The following CTNNA3 variants were observed in gnomAD, a reference collection of about 807,000 sequenced individuals.
CTNNA3 encodes catenin alpha-3.
In CTNNA3, 76 loss-of-function variants were observed where a neutral mutation model predicts 95.7. The observed-to-expected ratio is 0.79, with a 90% confidence interval of 0.66 to 0.96. CTNNA3 has a LOEUF of 0.96. Among genes scored for constraint, CTNNA3 ranks in the 40% least tolerant of loss-of-function variants. The pLI is 0.00. For missense variants in CTNNA3, 1,191 were observed against 1,089.8 expected (o/e 1.09, Z -1.31); for synonymous variants, 431 against 374.4 (o/e 1.15, Z -1.74).
chr10:66,037,848 T>C (rs926834817), intron 15 of CTNNA3, among the ~76,000 whole-genome samples: 2 of 152,176 alleles, frequency 1.3e-5, no homozygotes, highest in African/African-American at 4.8e-5. Context: ...TAGGAAAACA[T>C]AGAGTTTTTT....
At chr10:66,655,027 A>G (rs1334304621) in intron 9 of CTNNA3, among the ~76,000 whole-genome samples, 4 of 152,032 alleles carry the variant, frequency 2.6e-5, no homozygotes, top group Non-Finnish European at 4.4e-5. Flanking sequence ...CTATTGTACA[A>G]CCCGGTGAGT....
intron 4 of CTNNA3, among the ~76,000 whole-genome samples, chr10:67,526,097 T>A (rs992710395): frequency 3.3e-5 from 5 of 152,188 alleles, no homozygotes; most frequent in African/African-American, 1.2e-4. Context: ...TGATGCTCTA[T>A]AAATATTAAT....
chr10:66,031,166 A>C (rs1053666376), intron 15 of CTNNA3, among the ~76,000 whole-genome samples: 1 of 152,166 alleles, frequency 6.6e-6, no homozygotes, highest in East Asian at 1.9e-4. Flanking sequence ...CAGAGAACTA[A>C]AAATAGAACT....
In CTNNA3 at chr10:66,420,839, A is replaced by AAATAAATAAATAAAT. The variant is rs147665115; in HGVS notation, c.1532-41488_1532-41487insATTTATTTATTTATT. Among the ~76,000 whole-genome samples the AAATAAATAAATAAAT allele has an allele frequency of 6.2e-4, 48 of 76,932 alleles. No individual in the cohort carries two copies. The South Asian group carries it at 1.0e-2, about 16-fold the overall frequency. The allele number at this position is 76,932 out of a possible 152,430, so 50.5% of individuals were successfully genotyped here. A position where few individuals can be genotyped will look rare whatever the true frequency, so the allele number is the denominator to read the frequency against. ...TAAATAAATAAATAAATAAATAAAT[A>AAATAAATAAATAAAT]AAAAACAATATGGAGATTTCTCAAA... is the stretch of plus-strand genomic sequence containing the variant. On this transcript the variant is annotated intron_variant, in intron 11 of 17. Transcript: ENST00000433211.
chr10:67,633,725 A>G (rs1839218995), intron 2 of CTNNA3, among the ~76,000 whole-genome samples: 1 of 152,160 alleles, frequency 6.6e-6, no homozygotes, highest in Admixed American at 6.5e-5. Context: ...AACCCCATTA[A>G]AAGTGAGCTT....
chr10:66,026,285 C>G (rs1424598124), intron 15 of CTNNA3, among the ~76,000 whole-genome samples: 1 of 152,068 alleles, frequency 6.6e-6, no homozygotes, highest in Non-Finnish European at 1.5e-5. Flanking sequence ...ATATTTAATC[C>G]TCTATGTTCC....
intron 5 of CTNNA3, among the ~76,000 whole-genome samples, chr10:67,288,557 G>A (rs1720993761): frequency 6.6e-6 from 1 of 152,076 alleles, no homozygotes; most frequent in South Asian, 2.1e-4. Context: ...CAGAAAATGT[G>A]GAACAAACCA....
At chr10:66,749,202 C>CAA (rs35568730) in intron 9 of CTNNA3, among the ~76,000 whole-genome samples, 1,125 of 50,840 alleles carry the variant, frequency 0.022, 72 homozygotes, top group African/African-American at 0.071. Context: ...AACTCCAACT[C>CAA]AAAAAAAAAA....
At chr10:66,582,242 C>A (rs1334077315) in intron 10 of CTNNA3, among the ~76,000 whole-genome samples, 1 of 151,840 alleles carries the variant, frequency 6.6e-6, no homozygotes. Context: ...AGTGTATGGT[C>A]ATTTTCATGA....
chr10:66,757,233 G>C (rs1410652862), intron 9 of CTNNA3, among the ~76,000 whole-genome samples: 1 of 152,058 alleles, frequency 6.6e-6, no homozygotes, highest in African/African-American at 2.4e-5. Context: ...TGAATTTTCT[G>C]TCTCCACCTT....
chr10:66,227,084 C>G (rs886398794), intron 13 of CTNNA3, among the ~76,000 whole-genome samples: 1 of 152,034 alleles, frequency 6.6e-6, no homozygotes, highest in South Asian at 2.1e-4. Context: ...AGGCTGGTTT[C>G]AAACTCCTGA....
intron 10 of CTNNA3, among the ~76,000 whole-genome samples, chr10:66,542,553 G>T (rs1053967448): frequency 3.9e-5 from 6 of 152,186 alleles, no homozygotes; most frequent in Admixed American, 3.3e-4. Flanking sequence ...GGAATACAAT[G>T]CAGCCATAAA....
chr10:66,325,431 C>T (rs745756184), intron 12 of CTNNA3, among the ~76,000 whole-genome samples: 1 of 151,996 alleles, frequency 6.6e-6, no homozygotes. Context: ...GTTGTAGAGC[C>T]GAGGAGTCTC....
intron 5 of CTNNA3, among the ~76,000 whole-genome samples, chr10:67,438,448 A>G (rs1044265397): frequency 1.3e-5 from 2 of 152,140 alleles, no homozygotes; most frequent in African/African-American, 4.8e-5. Flanking sequence ...TTACAACACC[A>G]CTAGCATCTA....
intron 2 of CTNNA3, among the ~76,000 whole-genome samples, chr10:67,640,602 C>T (rs1839495376): frequency 6.6e-6 from 1 of 152,166 alleles, no homozygotes; most frequent in South Asian, 2.1e-4. Flanking sequence ...TGACTTCAAA[C>T]TATACTACAA....
chr10:67,340,210 C>T (rs181963916), intron 5 of CTNNA3, among the ~76,000 whole-genome samples: 90 of 152,028 alleles, frequency 5.9e-4, no homozygotes, highest in African/African-American at 2.1e-3. Flanking sequence ...TATAAGTTTG[C>T]TTATTGTATT....
At chr10:67,452,107 A>G (rs1847011895) in intron 5 of CTNNA3, among the ~76,000 whole-genome samples, 1 of 133,250 alleles carries the variant, frequency 7.5e-6, no homozygotes, top group Non-Finnish European at 1.6e-5. Context: ...AGGAAGGAGT[A>G]GGGAGAAAAA....
intron 7 of CTNNA3, among the ~76,000 whole-genome samples, chr10:67,122,121 G>T (rs551562930): frequency 2.0e-5 from 3 of 151,608 alleles, no homozygotes; most frequent in Non-Finnish European, 4.4e-5. Context: ...TCAATTAAGA[G>T]ACCAGGTAAG....
At chr10:67,152,595 G>T (rs1045401107) in intron 7 of CTNNA3, among the ~76,000 whole-genome samples, 3 of 151,974 alleles carry the variant, frequency 2.0e-5, no homozygotes, top group African/African-American at 7.3e-5. Context: ...ATAATAAATG[G>T]CCATATTCAT....
Sources: allele counts gnomAD v4.1 joint callset (sites outside exome capture counted in the v4.1 genomes callset), GRCh38; gene constraint gnomAD v4.1.1; transcripts MANE v1.5; gene names NCBI Gene and HGNC (gene_info 2026-07-23, HGNC 2026-07-21).